PDE3B: variants seen among roughly 807,000 people sequenced by gnomAD.
PDE3B encodes cGMP-inhibited 3',5'-cyclic phosphodiesterase 3B.
PDE3B carries 66 observed loss-of-function variants against 116.8 expected under a neutral mutation model. The observed-to-expected ratio is 0.56, with a 90% CI of 0.46 to 0.69. The LOEUF is 0.69. Among genes scored for constraint, PDE3B ranks in the 30% least tolerant of loss-of-function variants. The pLI, the probability that PDE3B is intolerant of heterozygous loss-of-function variation, is 0.00. For missense variants in PDE3B, 1,384 were observed against 1,368.1 expected (o/e 1.01, Z -0.18); for synonymous variants, 595 against 533.6 (o/e 1.12, Z -1.59).
chr11:14,753,227 A>G (rs1048482666), intron 1 of PDE3B, among the ~76,000 whole-genome samples: 1 of 152,156 alleles, frequency 6.6e-6, no homozygotes, highest in Non-Finnish European at 1.5e-5. Flanking sequence ...TTTTCAGTAT[A>G]GATCTTTTTG....
At chr11:14,746,522 C>G (rs1022945747) in intron 1 of PDE3B, among the ~76,000 whole-genome samples, 1 of 152,186 alleles carries the variant, frequency 6.6e-6, no homozygotes, top group Non-Finnish European at 1.5e-5. Context: ...CAATTTAGGA[C>G]AACTCTGAAG....
At chr11:14,834,133 A>G (rs1374165614) in intron 10 of PDE3B, among the ~76,000 whole-genome samples, 1 of 152,204 alleles carries the variant, frequency 6.6e-6, no homozygotes, top group Non-Finnish European at 1.5e-5. Flanking sequence ...ATTAATAATA[A>G]TTAAGTTCCC....
intron 1 of PDE3B, among the ~76,000 whole-genome samples, chr11:14,666,566 T>C (rs1308848867): frequency 2.0e-5 from 3 of 151,226 alleles, no homozygotes; most frequent in African/African-American, 7.3e-5. Context: ...GAATCTACAA[T>C]GAACTCAAAC....
chr11:14,702,770 T>C (rs895056203), intron 1 of PDE3B, among the ~76,000 whole-genome samples: 1 of 151,916 alleles, frequency 6.6e-6, no homozygotes, highest in East Asian at 1.9e-4. Context: ...TTCAGTCCAG[T>C]CCAGTGCAGA....
intron 1 of PDE3B, among the ~76,000 whole-genome samples, chr11:14,732,535 A>G (rs917790544): frequency 1.3e-5 from 2 of 152,198 alleles, no homozygotes; most frequent in South Asian, 2.1e-4. Context: ...TTCATGGTTA[A>G]ACAACATGGA....
intron 7 of PDE3B, among the ~76,000 whole-genome samples, chr11:14,819,692 C>T (rs1373458991): frequency 6.6e-6 from 1 of 152,020 alleles, no homozygotes. Context: ...AACTAAGTAA[C>T]TCAGACCAAC....
At chr11:14,767,374 T>G (rs1444421529) in intron 1 of PDE3B, among the ~76,000 whole-genome samples, 1 of 151,538 alleles carries the variant, frequency 6.6e-6, no homozygotes, top group Non-Finnish European at 1.5e-5. Flanking sequence ...TTTTATCTCT[T>G]TGTGTGGTAT....
chr11:14,811,788 C>G (rs1008817576), intron 5 of PDE3B, among the ~76,000 whole-genome samples: 6 of 152,074 alleles, frequency 3.9e-5, no homozygotes, highest in African/African-American at 1.4e-4. Context: ...GAATGTTCTT[C>G]CATTTGTTTG....
At chr11:14,782,555 A>G (rs1858042993) in intron 2 of PDE3B, among the ~76,000 whole-genome samples, 1 of 152,236 alleles carries the variant, frequency 6.6e-6, no homozygotes, top group South Asian at 2.1e-4. Context: ...CTGGCTAGCC[A>G]TATGTAGAAA....
chr11:14,663,337 C>T (rs1466589161), intron 1 of PDE3B, among the ~76,000 whole-genome samples: 1 of 152,154 alleles, frequency 6.6e-6, no homozygotes, highest in African/African-American at 2.4e-5. Flanking sequence ...ACAACCGGTA[C>T]CAGCCCCTGC....
At position 14,838,214 on chromosome 11, in the gene PDE3B, C is replaced by T. The variant is rs538750424; in HGVS notation, c.2320+3119C>T. On this transcript the variant is annotated intron_variant, in intron 11 of 15. Coordinates refer to ENST00000282096, the MANE Select transcript of PDE3B (RefSeq NM_000922.4). ...CAGGATGGTCTCGATCTCCCGACCT[C>T]GTGATTTGCCCGCCTCGGCCTCCCA... 5.9e-3 allele frequency among the ~76,000 whole-genome samples: 890 copies of T among 152,040 alleles called. 8 individuals carry two copies. The highest frequency in any genetic ancestry group is 5.7e-3 in the Non-Finnish European group (388 of 67,988).
chr11:14,800,979 C>T (rs746970477), intron 4 of PDE3B, among the ~76,000 whole-genome samples: 10 of 152,036 alleles, frequency 6.6e-5, no homozygotes, highest in Non-Finnish European at 1.0e-4. Flanking sequence ...ACGAAGTTCT[C>T]GTGCTGTGTT....
chr11:14,655,434 A>G (rs1013770781), intron 1 of PDE3B, among the ~76,000 whole-genome samples: 2 of 152,218 alleles, frequency 1.3e-5, no homozygotes, highest in Non-Finnish European at 2.9e-5. Context: ...ATTCATTCCT[A>G]TCACATTAAT....
chr11:14,880,813 A>T, the PDE3B span: 1 of 1,542,604 alleles, frequency 6.5e-7, no homozygotes, highest in Non-Finnish European at 8.7e-7. Flanking sequence ...ACTTCTCTGT[A>T]TCTAAAAAAT....
intron 1 of PDE3B, among the ~76,000 whole-genome samples, chr11:14,669,038 G>A (rs997873935): frequency 1.3e-5 from 2 of 152,146 alleles, no homozygotes; most frequent in African/African-American, 4.8e-5. Context: ...ATGAAGGAAT[G>A]ATTTATAAAA....
chr11:14,833,792 AG>A (rs1859972703), intron 10 of PDE3B, among the ~76,000 whole-genome samples: 1 of 152,194 alleles, frequency 6.6e-6, no homozygotes, highest in Non-Finnish European at 1.5e-5. Flanking sequence ...ATTTAAGATG[AG>A]TTACATATAC....
At chr11:14,706,043 G>A (rs1250310066) in intron 1 of PDE3B, among the ~76,000 whole-genome samples, 2 of 151,794 alleles carry the variant, frequency 1.3e-5, no homozygotes, top group Non-Finnish European at 3.0e-5. Flanking sequence ...AGAAAAGGAT[G>A]CAATGGCCAT....
intron 12 of PDE3B, among the ~76,000 whole-genome samples, chr11:14,846,546 A>T (rs946612029): frequency 6.6e-6 from 1 of 152,222 alleles, no homozygotes; most frequent in Non-Finnish European, 1.5e-5. Context: ...CAGACTGGCA[A>T]ATTGGATAAA....
At chr11:14,893,443 T>G in the PDE3B span, among the ~76,000 whole-genome samples, 1 of 152,236 alleles carries the variant, frequency 6.6e-6, no homozygotes, top group African/African-American at 2.4e-5. Flanking sequence ...ACCAATCTGA[T>G]GGCTTAAAAC....
Sources: allele counts gnomAD v4.1 joint callset (sites outside exome capture counted in the v4.1 genomes callset), GRCh38; gene constraint gnomAD v4.1.1; transcripts MANE v1.5; gene names NCBI Gene and HGNC (gene_info 2026-07-23, HGNC 2026-07-21).